DDC: variants seen among roughly 807,000 people sequenced by gnomAD.
The protein encoded by DDC is dopa decarboxylase.
A neutral mutation model predicts 60.0 loss-of-function variants in DDC; 43 were observed. The observed-to-expected ratio is 0.72, with a 90% CI of 0.56 to 0.92. The LOEUF (loss-of-function observed/expected upper bound fraction) is 0.92, where lower values mean the gene tolerates loss of function less well. Among genes scored for constraint, DDC ranks in the 40% least tolerant of loss-of-function variants. The pLI, the probability that DDC is intolerant of heterozygous loss-of-function variation, is 0.00. For synonymous variants in DDC, 232 were observed against 234.6 expected (o/e 0.99, Z 0.10); for missense variants, 573 against 620.2 (o/e 0.92, Z 0.81).
intron 7 of DDC, among the ~76,000 whole-genome samples, chr7:50,500,365 C>A (rs189056381): frequency 6.6e-6 from 1 of 152,304 alleles, no homozygotes. Context: ...ACCTCCAATA[C>A]CATCACCTTA....
chr7:50,497,273 T>C (rs565940715), intron 8 of DDC, among the ~76,000 whole-genome samples: 9 of 152,316 alleles, frequency 5.9e-5, no homozygotes, highest in African/African-American at 2.2e-4. Context: ...TTGTACAGCA[T>C]GAAATCCTGT....
chr7:50,561,928 C>G (rs1180883170), intron 1 of DDC, among the ~76,000 whole-genome samples: 1 of 152,072 alleles, frequency 6.6e-6, no homozygotes, highest in East Asian at 1.9e-4. Context: ...TGTTTATACA[C>G]ACTACACACG....
At chr7:50,550,050 T>C (rs956448036) in intron 1 of DDC, among the ~76,000 whole-genome samples, 2 of 152,216 alleles carry the variant, frequency 1.3e-5, no homozygotes, top group African/African-American at 4.8e-5. Flanking sequence ...TGAAAGAAGT[T>C]CTACTGGGGG....
chr7:50,469,288 G>A (rs11575503), intron 12 of DDC, among the ~76,000 whole-genome samples: 5,861 of 151,302 alleles, frequency 0.039, 247 homozygotes, highest in African/African-American at 0.1. Flanking sequence ...GCAGGGGAGT[G>A]GGGCTTGGAG....
intron 6 of DDC, among the ~76,000 whole-genome samples, chr7:50,526,587 A>G (rs1364655384): frequency 6.6e-6 from 1 of 152,224 alleles, no homozygotes; most frequent in African/African-American, 2.4e-5. Context: ...GCCAAATAAA[A>G]AACAAATAGA....
At position 50,459,730 on chromosome 7, in the gene DDC, C is replaced by T. The variant is rs1432825768; in HGVS notation, c.*19-887G>A. On this transcript the variant is annotated intron_variant, in intron 14 of 14. Transcript: ENST00000444124. ...GAGACCCTCCGCCTGGCAACCACCCCGTCTGGGAAGTGAGGAGCGTCTCTG... is the reference window on the plus strand; with the variant it reads ...GAGACCCTCCGCCTGGCAACCACCCTGTCTGGGAAGTGAGGAGCGTCTCTG... 30 of 164,136 alleles carry T rather than the reference C, an allele frequency of 1.8e-4. No homozygotes were observed. In the East Asian group the frequency reaches 3.1e-3, roughly 17 times the overall value. The allele number at this position is 164,136 out of a possible 1,614,324, so 10.2% of individuals were successfully genotyped here.
intron 9 of DDC, among the ~76,000 whole-genome samples, chr7:50,486,874 T>A (rs1241048778): frequency 6.6e-6 from 1 of 152,220 alleles, no homozygotes; most frequent in African/African-American, 2.4e-5. Flanking sequence ...TGGTAACTAC[T>A]CTAAGTTCAT....
chr7:50,549,077 G>A (rs952078953), intron 1 of DDC, among the ~76,000 whole-genome samples: 1 of 152,226 alleles, frequency 6.6e-6, no homozygotes, highest in Admixed American at 6.5e-5. Context: ...TGTTGAGAGA[G>A]ACTTCTCAGA....
chr7:50,487,902 A>T (rs2042919429), intron 9 of DDC, among the ~76,000 whole-genome samples: 1 of 152,166 alleles, frequency 6.6e-6, no homozygotes, highest in Non-Finnish European at 1.5e-5. Flanking sequence ...AATGAGGGTT[A>T]TAAAGCCATA....
chr7:50,544,532 C>T (rs2044739545), intron 1 of DDC, among the ~76,000 whole-genome samples: 1 of 152,178 alleles, frequency 6.6e-6, no homozygotes, highest in African/African-American at 2.4e-5. Flanking sequence ...GCTGACCTCT[C>T]AGGAGGGCAT....
intron 12 of DDC, among the ~76,000 whole-genome samples, chr7:50,469,371 G>C (rs1448317624): frequency 1.3e-5 from 2 of 152,014 alleles, no homozygotes; most frequent in African/African-American, 2.4e-5. Context: ...AGGTTGCTGG[G>C]CCCCACTGCA....
In DDC at chr7:50,550,471, C is replaced by T. The variant is rs149909720; in HGVS notation, c.-28-6358G>A. Among the ~76,000 whole-genome samples, 724 of 152,130 alleles carry T rather than the reference C, an allele frequency of 4.8e-3. 6 individuals carry two copies. Among genetic ancestry groups the T allele is most frequent in the African/African-American group, 0.016 (675 of 41,482 alleles). On this transcript the variant is annotated intron_variant, in intron 1 of 14. Transcript: ENST00000444124. The stretch of plus-strand genomic sequence containing the variant: ...TGCAATATTTCTGAGGTGTGAACAC[C>T]GAAAATTTGAGACAGGTCTCAGTTA...
At chr7:50,462,496 C>T (rs1202725142) in intron 14 of DDC, among the ~76,000 whole-genome samples, 1 of 152,158 alleles carries the variant, frequency 6.6e-6, no homozygotes, top group Non-Finnish European at 1.5e-5. Context: ...CGAAACATAT[C>T]CTTTCTTCAA....
In DDC at chr7:50,529,414, CAT is replaced by C. The variant is rs2044134643; in HGVS notation, c.436-74_436-73del. ...CATTGGTACCTACACTATTGGAAGACATATTGTTTTGTGTCCATAGTTTTCTT... is the reference window on the plus strand; with the variant it reads ...CATTGGTACCTACACTATTGGAAGACATTGTTTTGTGTCCATAGTTTTCTT... On this transcript the variant is annotated intron_variant, in intron 4 of 14. Coordinates refer to ENST00000444124, the MANE Select transcript of DDC (RefSeq NM_001082971.2). 10 of 1,558,124 alleles carry C rather than the reference CAT, an allele frequency of 6.4e-6. No individual in the cohort carries two copies. The Admixed American group carries it at 1.2e-4, about 18-fold the overall frequency.
At chr7:50,545,536 G>A (rs1246316282) in intron 1 of DDC, among the ~76,000 whole-genome samples, 4 of 152,144 alleles carry the variant, frequency 2.6e-5, no homozygotes, top group Non-Finnish European at 5.9e-5. Flanking sequence ...GCAATGGCAC[G>A]ATCTCGGCTC....
At chr7:50,544,232 T>C in intron 1 of DDC, 119 bp from the exon 2 acceptor site, 3 of 768,224 alleles carry the variant, frequency 3.9e-6, no homozygotes, top group Non-Finnish European at 6.8e-6. Context: ...TGGAGGCCAC[T>C]TGGATCCCAA....
intron 4 of DDC, among the ~76,000 whole-genome samples, chr7:50,532,950 C>A (rs895639838): frequency 6.6e-6 from 1 of 152,146 alleles, no homozygotes; most frequent in Non-Finnish European, 1.5e-5. Flanking sequence ...AAGATTGTTG[C>A]ACTTCATCCT....
In DDC at chr7:50,526,181, C is replaced by T. The variant is rs115011318; in HGVS notation, c.714+1956G>A. On this transcript the variant is annotated intron_variant, in intron 6 of 14. Coordinates refer to ENST00000444124, the MANE Select transcript of DDC (RefSeq NM_001082971.2). ...AAAAAGCAAGCAGCACCTCCATTGG[C>T]GGCACAGAAGGAAATGTCATATTTT... 8.4e-3 allele frequency among the ~76,000 whole-genome samples: 1,278 copies of T among 152,204 alleles called. 16 individuals are homozygous for T. The highest frequency in any genetic ancestry group is 0.028 in the African/African-American group (1,177 of 41,532).
At chr7:50,466,822 C>G (rs1032171013) in intron 13 of DDC, among the ~76,000 whole-genome samples, 6 of 152,236 alleles carry the variant, frequency 3.9e-5, no homozygotes, top group Non-Finnish European at 7.3e-5. Context: ...TTCTAAGGAG[C>G]TCCCAGACAA....
Sources: gnomAD v4.1 joint callset for allele counts (sites outside exome capture counted in the v4.1 genomes callset) on GRCh38, gnomAD v4.1.1 for gene constraint, MANE v1.5 for transcripts, NCBI Gene and HGNC (gene_info 2026-07-23, HGNC 2026-07-21) for gene names.